Variants in NCS1 observed in about 807,000 individuals in gnomAD.
NCS1 encodes the protein frequenin homolog.
NCS1 carries 6 observed loss-of-function variants against 28.4 expected under a neutral mutation model. The ratio of observed to expected loss-of-function variants is 0.21; its 90% CI spans 0.12 to 0.42. The LOEUF is 0.42. NCS1 is among the 10% of genes least tolerant of loss of function. NCS1 has a pLI of 1.00. For synonymous variants in NCS1, 86 were observed against 99.3 expected (o/e 0.87, Z 0.79); for missense variants, 131 against 241.4 (o/e 0.54, Z 3.03).
chr9:130,195,167 G>T (rs1832862621), intron 1 of NCS1, among the ~76,000 whole-genome samples: 2 of 152,186 alleles, frequency 1.3e-5, no homozygotes, highest in Admixed American at 1.3e-4. Context: ...GCAAACCAAG[G>T]CTCAGAGATG....
At chr9:130,225,364 C>T (rs1833396879) in intron 6 of NCS1, among the ~76,000 whole-genome samples, 1 of 152,290 alleles carries the variant, frequency 6.6e-6, no homozygotes, top group Non-Finnish European at 1.5e-5. Context: ...GTGCTGGCCT[C>T]AGACCCAGCT....
At chr9:130,212,253 C>T (rs147748852) in intron 2 of NCS1, among the ~76,000 whole-genome samples, 1,692 of 152,198 alleles carry the variant, frequency 0.011, 27 homozygotes, top group African/African-American at 0.039. Flanking sequence ...ATCCCCTGAG[C>T]TTGTGGGGGT....
chr9:130,206,880 G>A (rs1833030666), intron 2 of NCS1, among the ~76,000 whole-genome samples: 1 of 152,116 alleles, frequency 6.6e-6, no homozygotes, highest in East Asian at 1.9e-4. Flanking sequence ...GGGACATTCA[G>A]GGAGCAGCGG....
intron 1 of NCS1, among the ~76,000 whole-genome samples, chr9:130,188,381 A>G (rs1194590249): frequency 1.3e-5 from 2 of 150,230 alleles, no homozygotes; most frequent in African/African-American, 4.9e-5. Context: ...CCCCTAGGCT[A>G]GGTTGGGTTC....
In NCS1 at chr9:130,186,862, C is replaced by T. The variant is rs1279532195; in HGVS notation, c.65-14096C>T. On this transcript the variant is annotated intron_variant, in intron 1 of 7. Transcript: ENST00000372398. This position sits in a 1 kb window ranked among gnomAD's most constrained non-coding sequence, Gnocchi z 4.1. ...GGGAGGGCCCTGATGGCAGGAGGGCCCGTGCTGTGCTCAGCCTGGCTCCAA... is the reference window on the plus strand; with the variant it reads ...GGGAGGGCCCTGATGGCAGGAGGGCTCGTGCTGTGCTCAGCCTGGCTCCAA... Among the ~76,000 whole-genome samples the T allele has an allele frequency of 6.6e-6, 1 of 152,196 alleles. No homozygotes were observed. Among genetic ancestry groups the T allele is most frequent in the Non-Finnish European group, 1.5e-5 (1 of 68,022 alleles).
chr9:130,185,952 C>T (rs1208428397), intron 1 of NCS1, among the ~76,000 whole-genome samples: 2 of 152,234 alleles, frequency 1.3e-5, no homozygotes, highest in Non-Finnish European at 2.9e-5. Flanking sequence ...CGAAGCCTGC[C>T]TAGGTGCCCC....
At position 130,198,372 on chromosome 9, in the gene NCS1, G is replaced by A. The variant is rs143288817; in HGVS notation, c.65-2586G>A. Reference sequence around the variant, plus strand: ...GGAGCTGGGGGTCCAGGGAAGCCCCGCTCTGGCACTGTGAGGCCCGCCTGA... The same window carrying A: ...GGAGCTGGGGGTCCAGGGAAGCCCCACTCTGGCACTGTGAGGCCCGCCTGA... On this transcript the variant is annotated intron_variant, in intron 1 of 7. Coordinates refer to ENST00000372398, the MANE Select transcript of NCS1 (RefSeq NM_014286.4). 9.9e-3 allele frequency among the ~76,000 whole-genome samples: 1,514 copies of A among 152,274 alleles called. 23 individuals are homozygous for A. Among genetic ancestry groups the A allele is most frequent in the African/African-American group, 0.035 (1,441 of 41,548 alleles).
At chr9:130,218,622 T>C (rs1343526977) in intron 3 of NCS1, among the ~76,000 whole-genome samples, 3 of 151,960 alleles carry the variant, frequency 2.0e-5, no homozygotes. Context: ...GACAGAGTCT[T>C]GCTCTGTTGC....
Position 130,191,009 on chromosome 9 carries a change from A to G in NCS1, c.65-9949A>G, listed in dbSNP as rs1054568898. 6.6e-6 allele frequency among the ~76,000 whole-genome samples: 1 copy of G among 152,098 alleles called. No homozygotes were observed. The highest frequency in any genetic ancestry group is 2.4e-5 in the African/African-American group (1 of 41,416). ...AGCTTCCCATCTTGGTGTCTGCCCC[A>G]AGGCCTGGCCCTCTGACTTTTATTC... On this transcript the variant is annotated intron_variant, in intron 1 of 7. Transcript: ENST00000372398. This position sits in a 1 kb window ranked among gnomAD's most constrained non-coding sequence, Gnocchi z 6.4.
At position 130,191,568 on chromosome 9, in the gene NCS1, C is replaced by T. The variant is rs943347400; in HGVS notation, c.65-9390C>T. 1.2e-4 allele frequency among the ~76,000 whole-genome samples: 18 copies of T among 152,224 alleles called. No individual in the cohort carries two copies. The highest frequency in any genetic ancestry group is 3.9e-4 in the African/African-American group (16 of 41,536). Reference sequence around the variant, plus strand: ...GTCAGAGCCTGGTCAGCTGGATGGCCGTGGGCATGGGGCTCCCCTGATGAG... The same window carrying T: ...GTCAGAGCCTGGTCAGCTGGATGGCTGTGGGCATGGGGCTCCCCTGATGAG... On this transcript the variant is annotated intron_variant, in intron 1 of 7. Transcript: ENST00000372398. The surrounding 1 kb of genome is among the most constrained non-coding windows in gnomAD (Gnocchi z 6.4).
chr9:130,218,082 A>G, intron 3 of NCS1, 112 bp downstream of exon 3: 3 of 1,369,620 alleles, frequency 2.2e-6, no homozygotes, highest in South Asian at 1.2e-5. Context: ...GAAGGAACAC[A>G]CACACGAGTG....
At chr9:130,182,286 C>G (rs977276570) in intron 1 of NCS1, among the ~76,000 whole-genome samples, 1 of 152,188 alleles carries the variant, frequency 6.6e-6, no homozygotes, top group Non-Finnish European at 1.5e-5. Flanking sequence ...GCCAGAGCCA[C>G]GCCCTTCCCA....
rs551465147 is a variant in NCS1 at position 130,219,110 on chromosome 9, G to T, written c.229-615G>T. On this transcript the variant is annotated intron_variant, in intron 3 of 7. Coordinates refer to ENST00000372398, the MANE Select transcript of NCS1 (RefSeq NM_014286.4). The surrounding 1 kb of genome is among the most constrained non-coding windows in gnomAD (Gnocchi z 5.7). ...CACGGATAGCTGTTGGGTTATCTGC[G>T]ATGACCCTGATTCTGTCCTGCAGTA... Among the ~76,000 whole-genome samples, 1 of 152,078 alleles carries T rather than the reference G, an allele frequency of 6.6e-6. No individual in the cohort carries two copies. The highest frequency in any genetic ancestry group is 6.6e-5 in the Admixed American group (1 of 15,262).
At chr9:130,216,261 T>G (rs1468981552) in intron 2 of NCS1, among the ~76,000 whole-genome samples, 2 of 152,134 alleles carry the variant, frequency 1.3e-5, no homozygotes, top group African/African-American at 4.8e-5. Flanking sequence ...TGGATCACAT[T>G]AGAATGGGGG....
Position 130,234,277 on chromosome 9 carries a change from G to C in NCS1, c.*1305G>C, listed in dbSNP as rs1303378583. On this transcript the variant is annotated 3_prime_UTR_variant, in exon 8 of 8. Transcript: ENST00000372398. The surrounding 1 kb of genome is among the most constrained non-coding windows in gnomAD (Gnocchi z 6.1). ...TTCTCTTGGCTCAAAGGCTGGGAGG[G>C]AGGGAAGGAGAGAAGAGTTCCAGGC... 3 of 152,308 alleles carry C rather than the reference G, an allele frequency of 2.0e-5. No homozygotes were observed. In the East Asian group the frequency reaches 5.8e-4, roughly 29 times the overall value. 9.4% of individuals were successfully genotyped at this position (152,308 alleles called of 1,614,324 possible).
rs1832656383 is a variant in NCS1, at chr9:130,181,630, T to TGAAGCCCTGGGCCGCCTGGAGTCC, written c.64+8904_64+8905insAAGCCCTGGGCCGCCTGGAGTCCG. On this transcript the variant is annotated intron_variant, in intron 1 of 7. Coordinates refer to ENST00000372398, the MANE Select transcript of NCS1 (RefSeq NM_014286.4). This position sits in a 1 kb window ranked among gnomAD's most constrained non-coding sequence, Gnocchi z 5.0. Reference sequence around the variant, plus strand: ...CCCCGTCCCCTCTCAGCCTGGAGTCTGCACACTGAAGCCCTGGGCCGCGGT... The same window carrying TGAAGCCCTGGGCCGCCTGGAGTCC: ...CCCCGTCCCCTCTCAGCCTGGAGTCTGAAGCCCTGGGCCGCCTGGAGTCCGCACACTGAAGCCCTGGGCCGCGGT... Among the ~76,000 whole-genome samples, 4 of 152,012 alleles carry TGAAGCCCTGGGCCGCCTGGAGTCC rather than the reference T, an allele frequency of 2.6e-5. No homozygotes were observed. Among genetic ancestry groups the TGAAGCCCTGGGCCGCCTGGAGTCC allele is most frequent in the African/African-American group, 9.7e-5 (4 of 41,382 alleles).
intron 1 of NCS1, among the ~76,000 whole-genome samples, chr9:130,183,695 CTTTT>C (rs1208342700): frequency 2.0e-5 from 3 of 151,138 alleles, no homozygotes; most frequent in Admixed American, 6.6e-5. Flanking sequence ...TCCTTTCTTT[CTTTT>C]TTTCTCTCTC....
At chr9:130,220,628 A>T (rs1833266040) in intron 4 of NCS1, among the ~76,000 whole-genome samples, 1 of 152,042 alleles carries the variant, frequency 6.6e-6, no homozygotes, top group Non-Finnish European at 1.5e-5. Flanking sequence ...GGAGGAATGC[A>T]GGGTGCGTGG....
chr9:130,207,715 C>T (rs1032244666), intron 2 of NCS1, among the ~76,000 whole-genome samples: 9 of 152,242 alleles, frequency 5.9e-5, no homozygotes, highest in Admixed American at 5.2e-4. Flanking sequence ...GGCCAGGGCA[C>T]GGCAATAGGA....
Sources: allele counts gnomAD v4.1 joint callset (sites outside exome capture counted in the v4.1 genomes callset), GRCh38; gene constraint gnomAD v4.1.1; non-coding constraint Gnocchi (gnomAD v3.1); transcripts MANE v1.5; gene names NCBI Gene and HGNC (gene_info 2026-07-23, HGNC 2026-07-21).